Variants in ACBD6 observed in about 807,000 individuals in gnomAD.
ACBD6 encodes acyl-CoA-binding domain-containing protein 6.
Under a neutral mutation model 37.2 loss-of-function variants are expected in ACBD6, and 28 were observed. The ratio of observed to expected loss-of-function variants is 0.75; its 90% CI spans 0.56 to 1.03. The LOEUF is 1.03. Ranked by LOEUF, ACBD6 falls within the 50% of genes least tolerant of loss-of-function variation. The probability of loss-of-function intolerance (pLI) is 0.00; values close to 1 mark genes in which losing one functional copy is unlikely to be tolerated. For synonymous variants in ACBD6, 113 were observed against 126.8 expected (o/e 0.89, Z 0.73); for missense variants, 340 against 337.4 (o/e 1.01, Z -0.06).
intron 3 of ACBD6, among the ~76,000 whole-genome samples, chr1:180,460,962 G>A (rs1650123015): frequency 6.6e-6 from 1 of 152,100 alleles, no homozygotes; most frequent in Non-Finnish European, 1.5e-5. Context: ...CTGAGCTAAA[G>A]GAGCACATTC....
chr1:180,434,253 T>A (rs941444625), intron 3 of ACBD6, among the ~76,000 whole-genome samples: 5 of 152,184 alleles, frequency 3.3e-5, no homozygotes, highest in Non-Finnish European at 7.3e-5. Context: ...ATCAATAAGA[T>A]ATCAAATTCC....
At chr1:180,435,416 T>A (rs1648991884) in intron 3 of ACBD6, 1 of 26,850 alleles carries the variant, frequency 3.7e-5, no homozygotes, top group Non-Finnish European at 1.1e-4. Flanking sequence ...GCCTGGCTAA[T>A]TTTTTTTTTT....
chr1:180,361,296 A>G (rs1161571725), intron 6 of ACBD6, among the ~76,000 whole-genome samples: 1 of 140,174 alleles, frequency 7.1e-6, no homozygotes, highest in African/African-American at 2.7e-5. Context: ...TTTTTTAAAC[A>G]GGTGCTTAGA....
At chr1:180,381,706 AT>A (rs1484329339) in intron 6 of ACBD6, among the ~76,000 whole-genome samples, 1 of 152,236 alleles carries the variant, frequency 6.6e-6, no homozygotes, top group African/African-American at 2.4e-5. Context: ...AACCTATGGG[AT>A]ACAGTAAAAA....
chr1:180,399,607 G>A (rs1647261905), intron 5 of ACBD6, among the ~76,000 whole-genome samples: 1 of 152,138 alleles, frequency 6.6e-6, no homozygotes, highest in Non-Finnish European at 1.5e-5. Flanking sequence ...AAAAGTCCAG[G>A]TGAAAATGTA....
At chr1:180,416,027 T>C (rs1648079584) in intron 4 of ACBD6, among the ~76,000 whole-genome samples, 1 of 152,064 alleles carries the variant, frequency 6.6e-6, no homozygotes, top group Non-Finnish European at 1.5e-5. Flanking sequence ...ATAAATTAAA[T>C]ACCAAAAAGA....
chr1:180,448,916 G>A (rs1333294697), intron 3 of ACBD6, among the ~76,000 whole-genome samples: 1 of 152,054 alleles, frequency 6.6e-6, no homozygotes, highest in Non-Finnish European at 1.5e-5. Context: ...TATTGCTCAA[G>A]AGCTTTTGAT....
chr1:180,353,514 T>C (rs1336742395), intron 6 of ACBD6, among the ~76,000 whole-genome samples: 1 of 152,084 alleles, frequency 6.6e-6, no homozygotes, highest in Non-Finnish European at 1.5e-5. Context: ...AAATCAGTAA[T>C]TAGAAATCAA....
At chr1:180,354,076 T>C (rs1652527816) in intron 6 of ACBD6, among the ~76,000 whole-genome samples, 1 of 152,186 alleles carries the variant, frequency 6.6e-6, no homozygotes, top group South Asian at 2.1e-4. Context: ...CCAGGGAACA[T>C]TTGAAAATTC....
chr1:180,449,227 CTA>C (rs1649599243), intron 3 of ACBD6, among the ~76,000 whole-genome samples: 1 of 152,166 alleles, frequency 6.6e-6, no homozygotes, highest in Non-Finnish European at 1.5e-5. Context: ...AGTATGAATA[CTA>C]TTTCAACATT....
chr1:180,288,654 C>T (rs1649580916), intron 7 of ACBD6, 137 bp from the exon 8 acceptor site: 1 of 1,085,272 alleles, frequency 9.2e-7, no homozygotes, highest in Non-Finnish European at 1.4e-6. Context: ...GAAGGATGGT[C>T]AGGCCTGGTA....
At chr1:180,345,308 T>C (rs1652137225) in intron 6 of ACBD6, among the ~76,000 whole-genome samples, 1 of 152,206 alleles carries the variant, frequency 6.6e-6, no homozygotes. Context: ...ATATTCTCAT[T>C]CATCTTTCAC....
At chr1:180,473,154 A>G (rs1194071116) in intron 3 of ACBD6, among the ~76,000 whole-genome samples, 1 of 152,226 alleles carries the variant, frequency 6.6e-6, no homozygotes, top group African/African-American at 2.4e-5. Context: ...CAATATGTAA[A>G]ACTTTTACAC....
rs72712996 is a variant in ACBD6 at position 180,281,710 on chromosome 1, A to G, written c.*94-324T>C. On this transcript the variant is annotated intron_variant, in intron 8 of 13. Coordinates refer to the ACBD6 transcript ENST00000642319. ...TGATTATTTGTCTCATGACTGCCAC[A>G]GGGAAGTACATAGTTCAGCCACTAC... Among the ~76,000 whole-genome samples the G allele has an allele frequency of 8.2e-3, 1,256 of 152,286 alleles. 11 individuals carry two copies. The highest frequency in any genetic ancestry group is 0.018 in the East Asian group (91 of 5,190).
chr1:180,319,966 C>G (rs2262371), intron 6 of ACBD6, among the ~76,000 whole-genome samples: 18,804 of 152,146 alleles, frequency 0.12, 1,865 homozygotes, highest in African/African-American at 0.27. Flanking sequence ...CAACAAACAT[C>G]GGTGTATGTA....
chr1:180,409,311 A>T (rs1647757178), intron 5 of ACBD6, among the ~76,000 whole-genome samples: 1 of 152,214 alleles, frequency 6.6e-6, no homozygotes, highest in East Asian at 1.9e-4. Context: ...AAGATAAAAA[A>T]CTACAATTTA....
At chr1:180,391,623 G>C (rs1041964104) in intron 6 of ACBD6, among the ~76,000 whole-genome samples, 1 of 152,046 alleles carries the variant, frequency 6.6e-6, no homozygotes, top group Non-Finnish European at 1.5e-5. Context: ...CATACCTTAG[G>C]GTGGCTATAA....
chr1:180,403,760 T>G (rs542828235), intron 5 of ACBD6, among the ~76,000 whole-genome samples: 15 of 152,194 alleles, frequency 9.9e-5, no homozygotes, highest in Non-Finnish European at 7.3e-5. Flanking sequence ...GCAAGGAAAC[T>G]GACACATGCT....
chr1:180,326,627 T>C (rs527595595), intron 6 of ACBD6: 1 of 152,366 alleles, frequency 6.6e-6, no homozygotes, highest in East Asian at 1.9e-4. Context: ...AGGAGTCTTT[T>C]ACTGTAGCTA....
Sources: allele counts gnomAD v4.1 joint callset (sites outside exome capture counted in the v4.1 genomes callset), GRCh38; gene constraint gnomAD v4.1.1; transcripts MANE v1.5; gene names NCBI Gene and HGNC (gene_info 2026-07-23, HGNC 2026-07-21).